CREB1: variants seen among roughly 807,000 people sequenced by gnomAD.
CREB1 encodes the protein cAMP responsive element binding protein 1.
A neutral mutation model predicts 42.0 loss-of-function variants in CREB1; 2 were observed. The ratio of observed to expected loss-of-function variants is 0.05; its 90% CI spans 0.02 to 0.15. The LOEUF (loss-of-function observed/expected upper bound fraction) is 0.15. Ranked by LOEUF, CREB1 falls within the 10% of genes least tolerant of loss-of-function variation. The pLI is 1.00. For synonymous variants in CREB1, 123 were observed against 139.9 expected (o/e 0.88, Z 0.85); for missense variants, 199 against 388.9 (o/e 0.51, Z 4.11).
At chr2:207,556,060 CT>C (rs2081706998) in intron 2 of CREB1, among the ~76,000 whole-genome samples, 1 of 151,814 alleles carries the variant, frequency 6.6e-6, no homozygotes, top group Admixed American at 6.6e-5. Flanking sequence ...ATGACAACTG[CT>C]TTTTTTATTT....
At chr2:207,544,076 C>T (rs938656423) in intron 1 of CREB1, among the ~76,000 whole-genome samples, 1 of 151,778 alleles carries the variant, frequency 6.6e-6, no homozygotes, top group East Asian at 1.9e-4. Context: ...CCCGCCACCA[C>T]GCCTGGCTAA....
At chr2:207,559,364 T>C in intron 2 of CREB1, 1 of 874,298 alleles carries the variant, frequency 1.1e-6, no homozygotes, top group African/African-American at 1.8e-5. Flanking sequence ...AGTGTGTCCA[T>C]TTTTCTTTTA....
intron 7 of CREB1, among the ~76,000 whole-genome samples, 157 bp from the exon 8 acceptor site, chr2:207,596,757 A>G (rs182890327): frequency 1.3e-5 from 2 of 152,218 alleles, no homozygotes; most frequent in East Asian, 3.9e-4. Flanking sequence ...ATATAAGGTA[A>G]TTTCCAAGTA....
At chr2:207,571,832 A>T in intron 5 of CREB1, 1 of 412,026 alleles carries the variant, frequency 2.4e-6, no homozygotes, top group Non-Finnish European at 4.9e-6. Flanking sequence ...AAAGAGGCCT[A>T]TCAGAATCTA....
At chr2:207,567,247 T>G (rs1220261433) in intron 3 of CREB1, among the ~76,000 whole-genome samples, 2 of 151,982 alleles carry the variant, frequency 1.3e-5, no homozygotes. Flanking sequence ...GAAAAAAAAA[T>G]TAAACTGCAG....
intron 7 of CREB1, among the ~76,000 whole-genome samples, chr2:207,578,286 C>T (rs533198129): frequency 8.6e-5 from 13 of 151,894 alleles, no homozygotes; most frequent in Admixed American, 2.6e-4. Flanking sequence ...ATGATTTTGC[C>T]GTCAAAAACA....
chr2:207,594,139 T>C (rs2085648931), intron 7 of CREB1, among the ~76,000 whole-genome samples: 1 of 152,250 alleles, frequency 6.6e-6, no homozygotes, highest in Admixed American at 6.5e-5. Context: ...AAGAATTTAC[T>C]GGTTTAGATT....
chr2:207,587,375 G>A (rs547513071), intron 7 of CREB1, among the ~76,000 whole-genome samples: 24 of 149,138 alleles, frequency 1.6e-4, no homozygotes, highest in African/African-American at 5.4e-4. Flanking sequence ...CCTGGGTGAC[G>A]GAACGAGACT....
chr2:207,549,713 C>T (rs1002866155), intron 1 of CREB1, among the ~76,000 whole-genome samples: 1 of 151,878 alleles, frequency 6.6e-6, no homozygotes, highest in African/African-American at 2.4e-5. Context: ...AAAAATTAGA[C>T]GAGCTCACAC....
At chr2:207,577,452 T>C in intron 6 of CREB1, 53 bp from the exon 7 acceptor site, 1 of 1,590,014 alleles carries the variant, frequency 6.3e-7, no homozygotes, top group African/African-American at 1.3e-5. Flanking sequence ...ATACACATAA[T>C]TGAATCAAGT....
chr2:207,550,408 T>G (rs1393159489), intron 1 of CREB1: 1 of 151,588 alleles, frequency 6.6e-6, no homozygotes, highest in Non-Finnish European at 1.5e-5. Context: ...AGAGTCAAAA[T>G]TCACAACTCA....
intron 1 of CREB1, among the ~76,000 whole-genome samples, chr2:207,533,047 C>G (rs934252183): frequency 6.6e-6 from 1 of 151,882 alleles, no homozygotes; most frequent in Non-Finnish European, 1.5e-5. Flanking sequence ...CTGCACTGTT[C>G]CAGCCATGGA....
At chr2:207,532,832 T>C (rs569326852) in intron 1 of CREB1, among the ~76,000 whole-genome samples, 1 of 152,162 alleles carries the variant, frequency 6.6e-6, no homozygotes, top group South Asian at 2.1e-4. Context: ...GCTCACTCAC[T>C]GCAAGCTCCG....
chr2:207,575,511 TAA>T, intron 6 of CREB1, 57 bp downstream of exon 6: 1 of 1,437,558 alleles, frequency 7.0e-7, no homozygotes, highest in South Asian at 1.4e-5. Flanking sequence ...TAAAATTTTA[TAA>T]ACTCACAGAA....
At chr2:207,541,345 G>A (rs982815124) in intron 1 of CREB1, among the ~76,000 whole-genome samples, 6 of 152,078 alleles carry the variant, frequency 3.9e-5, no homozygotes, top group African/African-American at 9.7e-5. Flanking sequence ...TGCAAGCTCC[G>A]TTTGTGATAA....
rs368510478 is a variant in CREB1, at chr2:207,598,170, G to C, written c.*1112G>C. 5.5e-6 allele frequency: 1 copy of C among 180,776 alleles called. No individual in the cohort carries two copies. 11.2% of individuals were successfully genotyped at this position (180,776 alleles called of 1,614,324 possible). On this transcript the variant is annotated 3_prime_UTR_variant, in exon 8 of 8. Transcript: ENST00000353267. ...AGAATCTCTAGTGAATTTTTTAAAT[G>C]AAAGAAGTTGTAAGGATATAAAAAG... is the stretch of plus-strand genomic sequence containing the variant.
At position 207,601,587 on chromosome 2, in the gene CREB1, CACA is replaced by C. The variant is rs547979694; in HGVS notation, c.*4533_*4535del. ...ATTTTTAATGAGACTTTATCCTCAT[CACA>C]ACATTAATACTGTACATAGTATGCC... On this transcript the variant is annotated 3_prime_UTR_variant, in exon 8 of 8. Coordinates refer to ENST00000353267, the MANE Select transcript of CREB1 (RefSeq NM_004379.5). The C allele has an allele frequency of 3.2e-3, 656 of 206,314 alleles. 1 individual carries two copies. The highest frequency in any genetic ancestry group is 6.0e-3 in the African/African-American group (262 of 43,980). The allele number at this position is 206,314 out of a possible 1,614,324, so 12.8% of individuals were successfully genotyped here. A position where few individuals can be genotyped will look rare whatever the true frequency, so the allele number is the denominator to read the frequency against.
At chr2:207,557,859 C>G (rs1301129814) in intron 2 of CREB1, among the ~76,000 whole-genome samples, 14 of 151,942 alleles carry the variant, frequency 9.2e-5, no homozygotes, top group Admixed American at 9.2e-4. Context: ...AGGGATTATT[C>G]ATTGAGTTAG....
intron 7 of CREB1, 92 bp from the exon 8 acceptor site, chr2:207,596,822 G>C: frequency 2.1e-6 from 3 of 1,428,188 alleles, no homozygotes; most frequent in Non-Finnish European, 2.9e-6. Context: ...GTTGCTGTGA[G>C]CTATTTCTTT....
Sources: allele counts gnomAD v4.1 joint callset (sites outside exome capture counted in the v4.1 genomes callset), GRCh38; gene constraint gnomAD v4.1.1; transcripts MANE v1.5; gene names NCBI Gene and HGNC (gene_info 2026-07-23, HGNC 2026-07-21).